The following CAPRIN1 variants were observed in gnomAD, a reference collection of about 807,000 sequenced individuals.
The protein encoded by CAPRIN1 is caprin-1.
Under a neutral mutation model 100.9 loss-of-function variants are expected in CAPRIN1, and 29 were observed. That is an observed-to-expected ratio of 0.29 (90% CI 0.21 to 0.39). The LOEUF (loss-of-function observed/expected upper bound fraction) is 0.39, where lower values mean the gene tolerates loss of function less well. CAPRIN1 is among the 10% of genes least tolerant of loss of function. CAPRIN1 has a pLI of 1.00. For missense variants in CAPRIN1, 795 were observed against 876.7 expected, an observed-to-expected ratio of 0.91 and a Z score of 1.18; for synonymous variants, 338 against 307.5, an observed-to-expected ratio of 1.10 and a Z score of -1.04.
At chr11:34,087,516 G>A (rs1457567423) in intron 11 of CAPRIN1, among the ~76,000 whole-genome samples, 1 of 134,120 alleles carries the variant, frequency 7.5e-6, no homozygotes, top group Non-Finnish European at 1.6e-5. Context: ...TGTATTTTTA[G>A]TAGAGACGGG....
At chr11:34,084,925 G>A (rs752687525) in intron 9 of CAPRIN1, among the ~76,000 whole-genome samples, 15 of 151,904 alleles carry the variant, frequency 9.9e-5, no homozygotes, top group Non-Finnish European at 1.6e-4. Context: ...TTGCCACTGT[G>A]CCAGTGTGGT....
intron 6 of CAPRIN1, among the ~76,000 whole-genome samples, chr11:34,076,988 G>A (rs1050204938): frequency 1.3e-5 from 2 of 152,154 alleles, no homozygotes; most frequent in African/African-American, 4.8e-5. Flanking sequence ...ACCTGCCTGG[G>A]CCTCCCAGAG....
chr11:34,075,400 G>A (rs771525591), intron 4 of CAPRIN1, among the ~76,000 whole-genome samples: 16 of 152,254 alleles, frequency 1.1e-4, no homozygotes, highest in South Asian at 2.1e-4. Flanking sequence ...TTAGATACAC[G>A]GGAGAGGGAG....
At chr11:34,097,995 C>T in intron 18 of CAPRIN1, 1 of 1,206,386 alleles carries the variant, frequency 8.3e-7, no homozygotes, top group South Asian at 3.4e-5. Flanking sequence ...AACATATTCT[C>T]TTCTCAGAAA....
chr11:34,097,315 A>C lies in CAPRIN1; in HGVS notation c.2001+19A>C. Reference sequence around the variant, plus strand: ...TCAACGGGTAGGTAAAGTAGTTCTAAAGTGTAAACCTGAACTAAATATACC... The same window carrying C: ...TCAACGGGTAGGTAAAGTAGTTCTACAGTGTAAACCTGAACTAAATATACC... On this transcript the variant is annotated intron_variant, in intron 17 of 18. Transcript: ENST00000341394. The C allele has an allele frequency of 6.5e-7, 1 of 1,532,036 alleles. No individual in the cohort carries two copies. The highest frequency in any genetic ancestry group is 2.2e-5 in the East Asian group (1 of 44,460). The allele number at this position is 1,532,036 out of a possible 1,614,324, so 94.9% of individuals were successfully genotyped here.
At chr11:34,080,991 T>C (rs555175793) in intron 7 of CAPRIN1, among the ~76,000 whole-genome samples, 18 of 152,210 alleles carry the variant, frequency 1.2e-4, no homozygotes, top group South Asian at 4.1e-4. Flanking sequence ...CTACTACTTA[T>C]GAGACGGGAG....
intron 2 of CAPRIN1, among the ~76,000 whole-genome samples, chr11:34,067,659 T>G (rs1850725764): frequency 1.3e-5 from 2 of 152,008 alleles, no homozygotes; most frequent in Admixed American, 1.3e-4. Context: ...TTTCCACGCC[T>G]CGGTAATTTT....
intron 2 of CAPRIN1, among the ~76,000 whole-genome samples, chr11:34,058,273 A>AT (rs1439493955): frequency 1.3e-5 from 2 of 151,812 alleles, no homozygotes; most frequent in Non-Finnish European, 2.9e-5. Flanking sequence ...AGTAGCTGGG[A>AT]TTACAGGTGC....
intron 2 of CAPRIN1, among the ~76,000 whole-genome samples, chr11:34,065,625 T>G (rs1394092086): frequency 2.0e-5 from 3 of 152,350 alleles, no homozygotes; most frequent in African/African-American, 7.2e-5. Flanking sequence ...TATATAATAG[T>G]GAAACAAAGT....
chr11:34,094,435 A>G (rs1217755275), intron 15 of CAPRIN1, among the ~76,000 whole-genome samples: 1 of 152,266 alleles, frequency 6.6e-6, no homozygotes, highest in Non-Finnish European at 1.5e-5. Flanking sequence ...AATCAGGAAC[A>G]ACATGACAGA....
At position 34,088,774 on chromosome 11, in the gene CAPRIN1, T is replaced by C. The variant is rs149324599; in HGVS notation, c.1232-621T>C. ...CTTTAAAAGTCTTTTTTCATGGCAC[T>C]GATTATTTGTTAGTGCATTCTATTA... On this transcript the variant is annotated intron_variant, in intron 11 of 18. Coordinates refer to ENST00000341394, the MANE Select transcript of CAPRIN1 (RefSeq NM_005898.5). Among the ~76,000 whole-genome samples the C allele has an allele frequency of 6.3e-3, 955 of 152,334 alleles. 9 individuals are homozygous for C. Among genetic ancestry groups the C allele is most frequent in the African/African-American group, 0.022 (920 of 41,556 alleles).
intron 2 of CAPRIN1, among the ~76,000 whole-genome samples, chr11:34,071,022 C>T (rs764913138): frequency 2.6e-5 from 4 of 152,170 alleles, no homozygotes; most frequent in Non-Finnish European, 5.9e-5. Flanking sequence ...CTTATATCAC[C>T]TAGTCACATG....
At chr11:34,093,897 C>T (rs1041845376) in intron 15 of CAPRIN1, among the ~76,000 whole-genome samples, 1 of 152,100 alleles carries the variant, frequency 6.6e-6, no homozygotes, top group African/African-American at 2.4e-5. Flanking sequence ...ATCTCAGGGC[C>T]TTCATACTTA....
intron 2 of CAPRIN1, chr11:34,062,934 G>T (rs953352915): frequency 6.6e-6 from 1 of 152,006 alleles, no homozygotes; most frequent in African/African-American, 2.4e-5. Context: ...TCTAGTTGAA[G>T]AATTTTTAGG....
At chr11:34,061,281 A>T (rs1189718163) in intron 2 of CAPRIN1, among the ~76,000 whole-genome samples, 1 of 140,662 alleles carries the variant, frequency 7.1e-6, no homozygotes, top group African/African-American at 2.7e-5. Flanking sequence ...ATCTCAGCTC[A>T]CTGCAACCTC....
rs185195108 is a variant in CAPRIN1 at position 34,089,926 on chromosome 11, T to C, written c.1294-253T>C. 8 of 259,058 alleles carry C rather than the reference T, an allele frequency of 3.1e-5. 1 individual carries two copies. The Admixed American group carries it at 3.9e-4, about 13-fold the overall frequency. 16.0% of individuals were successfully genotyped at this position (259,058 alleles called of 1,614,324 possible). On this transcript the variant is annotated intron_variant, in intron 12 of 18. Transcript: ENST00000341394. ...CTAAAATTTAGTGCAGATTTCTCCA[T>C]CTTAGAAGTACTTGTGGAGGGCTTT...
At chr11:34,096,401 C>A in intron 15 of CAPRIN1, 78 bp from the exon 16 acceptor site, 1 of 1,058,632 alleles carries the variant, frequency 9.4e-7, no homozygotes, top group Non-Finnish European at 1.4e-6. Context: ...TAAGACACTT[C>A]TTAAACTAGA....
chr11:34,079,582 C>A, intron 6 of CAPRIN1, 46 bp from the exon 7 acceptor site: 1 of 1,526,072 alleles, frequency 6.6e-7, no homozygotes, highest in Non-Finnish European at 9.0e-7. Flanking sequence ...TCAAGCCAGG[C>A]ATCCTCAGAT....
intron 2 of CAPRIN1, among the ~76,000 whole-genome samples, chr11:34,067,039 C>T (rs556239524): frequency 4.6e-4 from 70 of 151,614 alleles, no homozygotes; most frequent in Non-Finnish European, 7.4e-4. Flanking sequence ...AAGTGATTCT[C>T]GTGCCTCAGC....
Sources: gnomAD v4.1 joint callset for allele counts (sites outside exome capture counted in the v4.1 genomes callset) on GRCh38, gnomAD v4.1.1 for gene constraint, MANE v1.5 for transcripts, NCBI Gene and HGNC (gene_info 2026-07-23, HGNC 2026-07-21) for gene names.